SNX4: variants seen among roughly 807,000 people sequenced by gnomAD.
SNX4 encodes sorting nexin-4.
In SNX4, 49 loss-of-function variants were observed where a neutral mutation model predicts 70.8. The observed-to-expected ratio is 0.69, with a 90% CI of 0.55 to 0.88. SNX4 has a LOEUF of 0.88. Among genes scored for constraint, SNX4 ranks in the 40% least tolerant of loss-of-function variants. The pLI, the probability that SNX4 is intolerant of heterozygous loss-of-function variation, is 0.00. For missense variants in SNX4, 528 were observed against 544.8 expected, an observed-to-expected ratio of 0.97 and a Z score of 0.31; for synonymous variants, 206 against 183.8, an observed-to-expected ratio of 1.12 and a Z score of -0.98.
At chr3:125,454,963 C>G (rs1048896356) in intron 11 of SNX4, among the ~76,000 whole-genome samples, 1 of 151,814 alleles carries the variant, frequency 6.6e-6, no homozygotes, top group Non-Finnish European at 1.5e-5. Flanking sequence ...GGGTCTTGCT[C>G]TGTTGCCCAG....
At chr3:125,497,705 A>G (rs1934827273) in intron 4 of SNX4, 129 bp downstream of exon 4, 1 of 653,710 alleles carries the variant, frequency 1.5e-6, no homozygotes, top group Non-Finnish European at 2.5e-6. Context: ...TCCATTAATT[A>G]GAAATTCATA....
At chr3:125,507,768 T>C (rs369642903) in intron 1 of SNX4, among the ~76,000 whole-genome samples, 15 of 152,136 alleles carry the variant, frequency 9.9e-5, no homozygotes, top group Admixed American at 9.8e-4. Context: ...ATCCTATATC[T>C]AGCAAACTGT....
chr3:125,518,820 T>C (rs1425888110), intron 1 of SNX4, among the ~76,000 whole-genome samples: 3 of 150,434 alleles, frequency 2.0e-5, no homozygotes. Flanking sequence ...CTGACCAACA[T>C]GGCAAAACTC....
intron 1 of SNX4, among the ~76,000 whole-genome samples, chr3:125,516,495 T>G (rs1935280206): frequency 6.6e-6 from 1 of 152,190 alleles, no homozygotes; most frequent in Non-Finnish European, 1.5e-5. Context: ...CCACAACCTC[T>G]TGGGGTAGGA....
rs77368536 is a variant in SNX4 at position 125,473,148 on chromosome 3, C to T, written c.788+3547G>A. ...CCCATCACCCACACAGTGAGCACAG[C>T]GCCCAATAGTTAGTTTGTCAACCCT... is the stretch of plus-strand genomic sequence containing the variant. On this transcript the variant is annotated intron_variant, in intron 8 of 13. Coordinates refer to ENST00000251775, the MANE Select transcript of SNX4 (RefSeq NM_003794.4). Among the ~76,000 whole-genome samples, 19 of 152,232 alleles carry T rather than the reference C, an allele frequency of 1.2e-4. No individual in the cohort carries two copies. In the East Asian group the frequency reaches 3.5e-3, roughly 28 times the overall value.
intron 1 of SNX4, among the ~76,000 whole-genome samples, chr3:125,519,335 A>C (rs958991094): frequency 3.3e-5 from 5 of 152,298 alleles, no homozygotes; most frequent in South Asian, 2.1e-4. Flanking sequence ...GAAAATCACT[A>C]ATTACTAAAG....
chr3:125,490,804 C>T (rs970310891), intron 5 of SNX4, among the ~76,000 whole-genome samples: 3 of 151,110 alleles, frequency 2.0e-5, no homozygotes, highest in Non-Finnish European at 4.4e-5. Flanking sequence ...AAAAAGACAA[C>T]CAAACAACTT....
chr3:125,508,724 G>A (rs1333802965), intron 1 of SNX4, among the ~76,000 whole-genome samples: 1 of 152,014 alleles, frequency 6.6e-6, no homozygotes, highest in Non-Finnish European at 1.5e-5. Flanking sequence ...ATAAACCCTC[G>A]AATATATGGT....
Position 125,515,362 on chromosome 3 carries a change from T to C in SNX4, c.141+4670A>G, listed in dbSNP as rs1025617447. 4.0e-5 allele frequency among the ~76,000 whole-genome samples: 6 copies of C among 151,020 alleles called. No individual in the cohort carries two copies. The South Asian group carries it at 8.4e-4, about 21-fold the overall frequency. On this transcript the variant is annotated intron_variant, in intron 1 of 13. Transcript: ENST00000251775. ...GGGAGACTCTGTCTCAAAAAATATA[T>C]ATATATATATATTTTTGGGTCGGGC...
intron 1 of SNX4, among the ~76,000 whole-genome samples, chr3:125,518,071 T>G (rs1935319344): frequency 6.6e-6 from 1 of 152,206 alleles, no homozygotes; most frequent in Non-Finnish European, 1.5e-5. Flanking sequence ...GAACTACATA[T>G]ACATAGTGTT....
intron 1 of SNX4, among the ~76,000 whole-genome samples, chr3:125,515,828 C>G (rs1360779869): frequency 6.6e-6 from 1 of 152,080 alleles, no homozygotes; most frequent in Non-Finnish European, 1.5e-5. Context: ...GGGAGGATCA[C>G]TTGAGCCCAG....
At chr3:125,463,147 T>A (rs571049847) in intron 9 of SNX4, among the ~76,000 whole-genome samples, 1 of 152,156 alleles carries the variant, frequency 6.6e-6, no homozygotes, top group South Asian at 2.1e-4. Flanking sequence ...AACAAAACTA[T>A]GCTAAGGGTC....
chr3:125,449,051 C>CT (rs1933505602), intron 13 of SNX4: 1 of 151,948 alleles, frequency 6.6e-6, no homozygotes, highest in South Asian at 2.1e-4. Context: ...GAGAAAGGAA[C>CT]TTTTTAATAC....
intron 9 of SNX4, among the ~76,000 whole-genome samples, chr3:125,466,192 T>A (rs1466175810): frequency 6.6e-6 from 1 of 151,812 alleles, no homozygotes; most frequent in Non-Finnish European, 1.5e-5. Flanking sequence ...ATATAATAGA[T>A]TTTTAGATAT....
chr3:125,484,830 C>T (rs1934486503), intron 6 of SNX4, among the ~76,000 whole-genome samples: 1 of 152,006 alleles, frequency 6.6e-6, no homozygotes, highest in South Asian at 2.1e-4. Flanking sequence ...AAAAAATTAG[C>T]CAGGCCGGGT....
chr3:125,496,171 G>A (rs1449005264), intron 5 of SNX4, among the ~76,000 whole-genome samples: 2 of 152,136 alleles, frequency 1.3e-5, no homozygotes, highest in African/African-American at 4.8e-5. Context: ...GCACGCGCCT[G>A]TAGTCTCAGC....
intron 6 of SNX4, among the ~76,000 whole-genome samples, chr3:125,486,990 C>T (rs1315312692): frequency 6.6e-6 from 1 of 152,090 alleles, no homozygotes; most frequent in Non-Finnish European, 1.5e-5. Context: ...GTAGAAGACT[C>T]CAGGCCCTCC....
chr3:125,504,847 T>C, intron 1 of SNX4, 103 bp from the exon 2 acceptor site: 6 of 1,307,612 alleles, frequency 4.6e-6, no homozygotes, highest in Non-Finnish European at 6.1e-6. Flanking sequence ...GGTTTATATA[T>C]TTCAAAATAG....
chr3:125,480,155 G>T, intron 7 of SNX4, 92 bp downstream of exon 7: 1 of 713,622 alleles, frequency 1.4e-6, no homozygotes, highest in Non-Finnish European at 2.2e-6. Context: ...AGTTATTCAT[G>T]GTAAATACCA....
Sources: gnomAD v4.1 joint callset for allele counts (sites outside exome capture counted in the v4.1 genomes callset) on GRCh38, gnomAD v4.1.1 for gene constraint, MANE v1.5 for transcripts, NCBI Gene and HGNC (gene_info 2026-07-23, HGNC 2026-07-21) for gene names.